The following ANKDD1A variants were observed in gnomAD, a reference collection of about 807,000 sequenced individuals.
ANKDD1A encodes ankyrin repeat and death domain-containing protein 1A.
Under a neutral mutation model 63.5 loss-of-function variants are expected in ANKDD1A, and 59 were observed. The ratio of observed to expected loss-of-function variants is 0.93; its 90% CI spans 0.75 to 1.15. The LOEUF (loss-of-function observed/expected upper bound fraction) is 1.15. ANKDD1A is among the 50% of genes most tolerant of loss of function. ANKDD1A has a pLI of 0.00. For missense variants in ANKDD1A, 632 were observed against 656.4 expected (o/e 0.96, Z 0.41); for synonymous variants, 266 against 263.9 (o/e 1.01, Z -0.08).
chr15:64,931,619 T>G, intron 8 of ANKDD1A, 34 bp downstream of exon 8: 2 of 1,606,894 alleles, frequency 1.2e-6, no homozygotes, highest in Non-Finnish European at 1.7e-6. Flanking sequence ...CGGTCGGCTC[T>G]TGGCTGCTGA....
chr15:64,917,362 C>G, intron 2 of ANKDD1A, 24 bp from the exon 3 acceptor site: 1 of 1,587,068 alleles, frequency 6.3e-7, no homozygotes, highest in South Asian at 1.1e-5. Context: ...CAGCACCTGA[C>G]AAGTGTCATC....
chr15:64,915,650 G>A (rs983475845), intron 1 of ANKDD1A, 147 bp from the exon 2 acceptor site: 2 of 619,080 alleles, frequency 3.2e-6, no homozygotes, highest in Non-Finnish European at 2.9e-6. Flanking sequence ...CCTTGAGAGG[G>A]AGGAGGGCTG....
chr15:64,944,231 T>A (rs1202448103), intron 11 of ANKDD1A, among the ~76,000 whole-genome samples: 1 of 151,360 alleles, frequency 6.6e-6, no homozygotes, highest in Non-Finnish European at 1.5e-5. Flanking sequence ...GAGGTAACTG[T>A]CTGGGAGGCC....
At chr15:64,934,060 A>T in intron 8 of ANKDD1A, 76 bp from the exon 9 acceptor site, 1 of 1,242,676 alleles carries the variant, frequency 8.0e-7, no homozygotes, top group Non-Finnish European at 1.1e-6. Context: ...AAATGGAAAA[A>T]TGAATCTCGA....
intron 14 of ANKDD1A, among the ~76,000 whole-genome samples, chr15:64,953,972 TTCTTCC>T (rs970859112): frequency 9.1e-5 from 2 of 22,078 alleles, no homozygotes; most frequent in Non-Finnish European, 9.5e-4. Context: ...TTTTTCTTCT[TTCTTCC>T]TCTATCTTCT....
At chr15:64,948,775 G>A (rs949595196) in intron 13 of ANKDD1A, among the ~76,000 whole-genome samples, 1 of 151,390 alleles carries the variant, frequency 6.6e-6, no homozygotes, top group Admixed American at 6.6e-5. Context: ...GCAGTGAGCC[G>A]AGATCCCACC....
rs200670478 is a variant in ANKDD1A, at chr15:64,927,011, G to A, written c.570+12G>A. On this transcript the variant is annotated intron_variant, in intron 6 of 14. Transcript: ENST00000319580. The stretch of plus-strand genomic sequence containing the variant: ...ATGTCAAAGACAAGGTACCGTGTCC[G>A]TGAGGCTCTGGGATCCTGACCAGGG... 2.9e-5 allele frequency: 47 copies of A among 1,614,014 alleles called. No individual in the cohort carries two copies. The highest frequency in any genetic ancestry group is 3.6e-5 in the Non-Finnish European group (43 of 1,179,886).
At chr15:64,939,389 C>T (rs1356533517) in intron 9 of ANKDD1A, among the ~76,000 whole-genome samples, 2 of 151,972 alleles carry the variant, frequency 1.3e-5, no homozygotes, top group Admixed American at 6.6e-5. Context: ...TTTGAGAAGT[C>T]GAGATGCGCT....
At chr15:64,953,707 TCTC>T (rs1379321094) in intron 14 of ANKDD1A, among the ~76,000 whole-genome samples, 6 of 23,280 alleles carry the variant, frequency 2.6e-4, no homozygotes, top group South Asian at 1.0e-3. Flanking sequence ...TCTTTCTTCT[TCTC>T]CTTGTTCTTC....
At chr15:64,925,045 G>A (rs1486829209) in intron 4 of ANKDD1A, among the ~76,000 whole-genome samples, 3 of 151,424 alleles carry the variant, frequency 2.0e-5, no homozygotes, top group Non-Finnish European at 4.4e-5. Flanking sequence ...TAGGCAACAT[G>A]GGGAAACCCC....
At chr15:64,911,989 G>A in intron 1 of ANKDD1A, 25 bp downstream of exon 1, 1 of 388,266 alleles carries the variant, frequency 2.6e-6, no homozygotes, top group Non-Finnish European at 4.3e-6. Context: ...AGGAGGGAGG[G>A]GGGCGGGCCG....
In ANKDD1A at chr15:64,951,477, TTC is replaced by T. The variant is rs2085275351; in HGVS notation, c.1483+1507_1483+1508del. 2.6e-4 allele frequency: 28 copies of T among 109,138 alleles called. No individual in the cohort carries two copies. In the East Asian group the frequency reaches 0.011, roughly 44 times the overall value. 6.8% of individuals were successfully genotyped at this position (109,138 alleles called of 1,614,324 possible). ...CTTTTCTTTTCTCTTTTTTCTTTTC[TTC>T]TTCCTCTTCTTTTCTTCTTCTTCCT... On this transcript the variant is annotated intron_variant, in intron 14 of 14. Transcript: ENST00000319580.
At chr15:64,946,934 C>A (rs1211313268) in intron 12 of ANKDD1A, among the ~76,000 whole-genome samples, 5 of 152,160 alleles carry the variant, frequency 3.3e-5, no homozygotes, top group Non-Finnish European at 7.4e-5. Context: ...AATTTCATTG[C>A]CTGCTTTGCT....
At position 64,931,571 on chromosome 15, in the gene ANKDD1A, A is replaced by C; in HGVS notation, c.754A>C (p.Asn252His). The C allele has an allele frequency of 6.2e-7, 1 of 1,613,938 alleles. No homozygotes were observed. Among genetic ancestry groups the C allele is most frequent in the Non-Finnish European group, 8.5e-7 (1 of 1,180,008 alleles). ...CCTCCTCAGGGCTGGGAGCACCGTGAATGCCCTCACCCAGGTAGCCAGGCC... is the reference window on the plus strand; with the variant it reads ...CCTCCTCAGGGCTGGGAGCACCGTGCATGCCCTCACCCAGGTAGCCAGGCC... ...QLLLRAGSTV[N>H]ALTQKNLSCL... Residue 252 changes from asparagine (N) to histidine (H), a missense_variant, in exon 8 of 15, where the codon AAT becomes CAT. Asn to His is a moderately conservative substitution (Grantham distance 68). Coordinates refer to ENST00000319580, the MANE Select transcript of ANKDD1A (RefSeq NM_182703.6).
intron 13 of ANKDD1A, among the ~76,000 whole-genome samples, chr15:64,949,021 G>A (rs767806795): frequency 3.3e-5 from 5 of 152,214 alleles, no homozygotes; most frequent in East Asian, 1.9e-4. Context: ...TGGGTCAAGC[G>A]GAAGTGCCAC....
At chr15:64,945,627 T>TATATATATATATATATATATATAC (rs2085217419) in intron 12 of ANKDD1A, among the ~76,000 whole-genome samples, 1 of 56,078 alleles carries the variant, frequency 1.8e-5, no homozygotes, top group Non-Finnish European at 3.1e-5. Context: ...TATATATATA[T>TATATATATATATATATATATATAC]ATATGAACTT....
intron 9 of ANKDD1A, among the ~76,000 whole-genome samples, chr15:64,937,587 G>T (rs2085144663): frequency 6.6e-6 from 1 of 152,050 alleles, no homozygotes; most frequent in Admixed American, 6.6e-5. Context: ...AATTAGCCAG[G>T]TGTGGTGGCA....
In ANKDD1A at chr15:64,930,816, C is replaced by G; in HGVS notation, c.571-6C>G. ...GCTGGCCTCTCAGGAGCCCTTTTTC[C>G]TGCAGGAGGGGAACACTGCCCTTCA... is the stretch of plus-strand genomic sequence containing the variant. On this transcript the variant is annotated splice_region_variant and splice_polypyrimidine_tract_variant and intron_variant, in intron 6 of 14. Coordinates refer to ENST00000319580, the MANE Select transcript of ANKDD1A (RefSeq NM_182703.6). 6.2e-7 allele frequency: 1 copy of G among 1,610,820 alleles called. No individual in the cohort carries two copies. The highest frequency in any genetic ancestry group is 8.5e-7 in the Non-Finnish European group (1 of 1,179,362).
At chr15:64,948,364 G>C (rs772397860) in intron 13 of ANKDD1A, among the ~76,000 whole-genome samples, 14 of 152,112 alleles carry the variant, frequency 9.2e-5, no homozygotes, top group Non-Finnish European at 1.8e-4. Flanking sequence ...TTAAAACTTT[G>C]ATCTAATTTT....
Sources: allele counts gnomAD v4.1 joint callset (sites outside exome capture counted in the v4.1 genomes callset), GRCh38; gene constraint gnomAD v4.1.1; transcripts MANE v1.5; gene names NCBI Gene and HGNC (gene_info 2026-07-23, HGNC 2026-07-21).